DTD1: variants seen among roughly 807,000 people sequenced by gnomAD.
DTD1 encodes D-tyrosyl-tRNA deacylase 1 homolog.
Under a neutral mutation model 25.6 loss-of-function variants are expected in DTD1, and 13 were observed. The observed-to-expected ratio is 0.51, with a 90% CI of 0.33 to 0.81. The LOEUF is 0.81. DTD1 is among the 30% of genes least tolerant of loss of function. The pLI, the probability that DTD1 is intolerant of heterozygous loss-of-function variation, is 0.02. For synonymous variants in DTD1, 110 were observed against 103.6 expected (o/e 1.06, Z -0.37); for missense variants, 193 against 266.4 (o/e 0.72, Z 1.92).
At chr20:18,761,993 C>T (rs894073099) in intron 5 of DTD1, among the ~76,000 whole-genome samples, 48 of 152,132 alleles carry the variant, frequency 3.2e-4, no homozygotes, top group Admixed American at 8.5e-4. Flanking sequence ...TTTGGGTGTA[C>T]GAGGGTAGCC....
chr20:18,608,458 A>G (rs574960036), intron 3 of DTD1, among the ~76,000 whole-genome samples: 1 of 151,522 alleles, frequency 6.6e-6, no homozygotes, highest in South Asian at 2.1e-4. Context: ...ACTCTGCTCT[A>G]ATTTTTGTTA....
At chr20:18,658,611 C>G (rs1430496187) in intron 4 of DTD1, among the ~76,000 whole-genome samples, 1 of 152,176 alleles carries the variant, frequency 6.6e-6, no homozygotes, top group African/African-American at 2.4e-5. Flanking sequence ...AATGGTTTGT[C>G]ATTCGAGTGC....
rs2060679917 is a variant in DTD1, at chr20:18,609,941, G to C, written c.370+13700G>C. 2.6e-5 allele frequency among the ~76,000 whole-genome samples: 4 copies of C among 152,194 alleles called. No individual in the cohort carries two copies. In the South Asian group the frequency reaches 8.3e-4, roughly 32 times the overall value. ...GTTTCTTCACAGAATGAGTAATTAA[G>C]TCAAATCCTCTGAGTAATTATTTTT... On this transcript the variant is annotated intron_variant, in intron 3 of 5. Transcript: ENST00000377452.
intron 4 of DTD1, among the ~76,000 whole-genome samples, chr20:18,648,953 G>A (rs982458128): frequency 2.6e-4 from 30 of 116,846 alleles, no homozygotes; most frequent in African/African-American, 9.4e-4. Flanking sequence ...CTGAGATCGC[G>A]CCACTGCACT....
chr20:18,638,294 G>T lies in DTD1; in HGVS notation c.477+10061G>T, dbSNP rs2060816009. On this transcript the variant is annotated intron_variant, in intron 4 of 5. Coordinates refer to ENST00000377452, the MANE Select transcript of DTD1 (RefSeq NM_080820.6). ...GATTATTATTGGGTGCTTGCTCTGT[G>T]CTGGCCCTGCATGTAGGTCCAGCAC... Among the ~76,000 whole-genome samples the T allele has an allele frequency of 2.6e-5, 4 of 152,036 alleles. No individual in the cohort carries two copies. In the South Asian group the frequency reaches 8.3e-4, roughly 32 times the overall value.
At chr20:18,665,446 G>C (rs2060928188) in intron 4 of DTD1, among the ~76,000 whole-genome samples, 1 of 152,208 alleles carries the variant, frequency 6.6e-6, no homozygotes, top group African/African-American at 2.4e-5. Context: ...CGTGGAGTCA[G>C]ACCTGCCTTT....
chr20:18,708,791 T>G (rs927999604), intron 4 of DTD1, among the ~76,000 whole-genome samples: 1 of 152,186 alleles, frequency 6.6e-6, no homozygotes, highest in Non-Finnish European at 1.5e-5. Flanking sequence ...CAATCTTTTC[T>G]AGCGCTGTTG....
At chr20:18,754,257 C>T (rs1333955591) in intron 5 of DTD1, among the ~76,000 whole-genome samples, 1 of 152,174 alleles carries the variant, frequency 6.6e-6, no homozygotes, top group Non-Finnish European at 1.5e-5. Flanking sequence ...CCTGGTCTGG[C>T]CTCACTGGAG....
chr20:18,645,160 G>T (rs537396945), intron 4 of DTD1, among the ~76,000 whole-genome samples: 1 of 152,010 alleles, frequency 6.6e-6, no homozygotes, highest in Non-Finnish European at 1.5e-5. Context: ...TAAATCAACC[G>T]ATCAATGAAT....
At chr20:18,688,533 T>C (rs1193642565) in intron 4 of DTD1, among the ~76,000 whole-genome samples, 1 of 152,062 alleles carries the variant, frequency 6.6e-6, no homozygotes, top group Non-Finnish European at 1.5e-5. Flanking sequence ...CATGCAACAG[T>C]CCTGAGACAG....
At chr20:18,595,974 C>T (rs766955834) in intron 2 of DTD1, 32 bp from the exon 3 acceptor site, 1 of 1,593,652 alleles carries the variant, frequency 6.3e-7, no homozygotes, top group South Asian at 1.1e-5. Flanking sequence ...TGTGATCTCT[C>T]AGGTAGCTCT....
intron 2 of DTD1, among the ~76,000 whole-genome samples, chr20:18,594,841 A>G (rs6045492): frequency 0.14 from 22,042 of 152,222 alleles, 1,712 homozygotes; most frequent in Admixed American, 0.2. Flanking sequence ...CTGACATACT[A>G]CAGAGCTAAT....
intron 4 of DTD1, among the ~76,000 whole-genome samples, chr20:18,635,734 A>G (rs1382471439): frequency 6.6e-6 from 1 of 152,186 alleles, no homozygotes; most frequent in Non-Finnish European, 1.5e-5. Flanking sequence ...TTCCAAATAG[A>G]TGGTTGTCCT....
intron 4 of DTD1, among the ~76,000 whole-genome samples, chr20:18,723,062 C>T (rs977962962): frequency 6.6e-6 from 1 of 152,176 alleles, no homozygotes; most frequent in African/African-American, 2.4e-5. Context: ...AGAGTCATAT[C>T]ACTTTAGACC....
chr20:18,634,159 T>A (rs571910800), intron 4 of DTD1, among the ~76,000 whole-genome samples: 14 of 152,342 alleles, frequency 9.2e-5, no homozygotes, highest in Admixed American at 7.8e-4. Flanking sequence ...CTTCCATTGG[T>A]GGCTAGATAT....
At chr20:18,730,984 C>G (rs1600394879) in intron 4 of DTD1, among the ~76,000 whole-genome samples, 1 of 152,280 alleles carries the variant, frequency 6.6e-6, no homozygotes, top group East Asian at 1.9e-4. Flanking sequence ...GTCATGCAGT[C>G]TTTTATTCAC....
At chr20:18,609,006 A>T (rs189504277) in intron 3 of DTD1, among the ~76,000 whole-genome samples, 267 of 151,368 alleles carry the variant, frequency 1.8e-3, no homozygotes, top group South Asian at 3.2e-3. Context: ...TAAGAAAAAA[A>T]TTTTTTTTTT....
intron 3 of DTD1, among the ~76,000 whole-genome samples, chr20:18,596,755 T>C (rs1449655746): frequency 6.6e-6 from 1 of 151,906 alleles, no homozygotes; most frequent in Non-Finnish European, 1.5e-5. Flanking sequence ...AAATAAAGGC[T>C]TTATTTGATT....
chr20:18,627,840 C>T (rs958110552), intron 3 of DTD1, among the ~76,000 whole-genome samples: 13 of 152,120 alleles, frequency 8.5e-5, no homozygotes, highest in Admixed American at 1.3e-4. Context: ...ATAAGTCTCA[C>T]GAGATCTGAT....
Sources: gnomAD v4.1 joint callset for allele counts (sites outside exome capture counted in the v4.1 genomes callset) on GRCh38, gnomAD v4.1.1 for gene constraint, MANE v1.5 for transcripts, NCBI Gene and HGNC (gene_info 2026-07-23, HGNC 2026-07-21) for gene names.